Variants in CDH13 observed in about 807,000 individuals in gnomAD.
CDH13 encodes cadherin-13.
A neutral mutation model predicts 63.8 loss-of-function variants in CDH13; 24 were observed. The observed-to-expected ratio is 0.38, with a 90% CI of 0.27 to 0.53. The LOEUF (loss-of-function observed/expected upper bound fraction) is 0.53, where lower values mean the gene tolerates loss of function less well. Ranked by LOEUF, CDH13 falls within the 20% of genes least tolerant of loss-of-function variation. The pLI, the probability that CDH13 is intolerant of heterozygous loss-of-function variation, is 0.85. For missense variants in CDH13, 1,049 were observed against 903.1 expected, an observed-to-expected ratio of 1.16 and a Z score of -2.07; for synonymous variants, 503 against 355.3, an observed-to-expected ratio of 1.42 and a Z score of -4.67.
chr16:82,885,758 T>C (rs966611857), intron 2 of CDH13, among the ~76,000 whole-genome samples: 3 of 152,336 alleles, frequency 2.0e-5, no homozygotes, highest in East Asian at 1.9e-4. Context: ...GTATGTATCA[T>C]GCACTTTCTA....
chr16:83,079,204 G>A (rs573120386), intron 3 of CDH13, among the ~76,000 whole-genome samples: 28 of 152,292 alleles, frequency 1.8e-4, no homozygotes, highest in African/African-American at 6.5e-4. Flanking sequence ...TCAAACAGGG[G>A]CTACTCAGCT....
intron 4 of CDH13, among the ~76,000 whole-genome samples, chr16:83,169,448 T>G (rs2037828460): frequency 6.6e-6 from 1 of 151,950 alleles, no homozygotes; most frequent in South Asian, 2.1e-4. Flanking sequence ...GTGCTGGGAG[T>G]AAGGTGTGAG....
intron 1 of CDH13, among the ~76,000 whole-genome samples, chr16:82,776,560 C>A (rs765746157): frequency 2.6e-5 from 4 of 152,202 alleles, no homozygotes; most frequent in African/African-American, 9.7e-5. Flanking sequence ...TATGAACCTT[C>A]TTTTCAAATA....
intron 10 of CDH13, among the ~76,000 whole-genome samples, chr16:83,725,050 A>G (rs1395691154): frequency 6.6e-6 from 1 of 152,228 alleles, no homozygotes; most frequent in Non-Finnish European, 1.5e-5. Context: ...TAGAGAAAGA[A>G]AGAGATGAAT....
chr16:83,570,023 C>T (rs1331423292), intron 7 of CDH13, among the ~76,000 whole-genome samples: 1 of 152,162 alleles, frequency 6.6e-6, no homozygotes, highest in African/African-American at 2.4e-5. Context: ...GAGTGAGCCA[C>T]CGTGCCCAGC....
At chr16:83,189,425 C>G (rs1001653893) in intron 4 of CDH13, among the ~76,000 whole-genome samples, 1 of 152,144 alleles carries the variant, frequency 6.6e-6, no homozygotes, top group African/African-American at 2.4e-5. Flanking sequence ...TCTGATTGCC[C>G]CCAATATTAA....
chr16:83,601,431 G>A (rs949861783), intron 7 of CDH13, among the ~76,000 whole-genome samples: 4 of 152,342 alleles, frequency 2.6e-5, no homozygotes, highest in South Asian at 4.1e-4. Flanking sequence ...TGTGAAGAGA[G>A]AGAATAGTGC....
intron 2 of CDH13, among the ~76,000 whole-genome samples, chr16:82,926,966 A>C (rs182022123): frequency 6.6e-6 from 1 of 152,296 alleles, no homozygotes; most frequent in African/African-American, 2.4e-5. Flanking sequence ...TGAGGGCTCA[A>C]TGGGGACTAT....
At chr16:82,880,253 C>T (rs1411834573) in intron 2 of CDH13, among the ~76,000 whole-genome samples, 2 of 152,012 alleles carry the variant, frequency 1.3e-5, no homozygotes, top group African/African-American at 2.4e-5. Flanking sequence ...CCCACCTGAA[C>T]AAATTATTAA....
chr16:83,194,786 G>C (rs1013004716), intron 4 of CDH13, among the ~76,000 whole-genome samples: 1 of 152,128 alleles, frequency 6.6e-6, no homozygotes, highest in East Asian at 1.9e-4. Context: ...ACCTGAGACG[G>C]GTCTGTGGCA....
chr16:83,298,604 C>G (rs911396440), intron 5 of CDH13, among the ~76,000 whole-genome samples: 23 of 152,172 alleles, frequency 1.5e-4, no homozygotes, highest in Admixed American at 1.5e-3. Context: ...GAAGTAAGGA[C>G]CTGTTATTAG....
chr16:83,459,156 C>T (rs759074704), intron 6 of CDH13, among the ~76,000 whole-genome samples: 38 of 152,272 alleles, frequency 2.5e-4, no homozygotes, highest in Non-Finnish European at 4.6e-4. Flanking sequence ...TTACAGGTTT[C>T]TAAGAACATC....
chr16:83,574,223 AT>A (rs918028968), intron 7 of CDH13, among the ~76,000 whole-genome samples: 37 of 152,216 alleles, frequency 2.4e-4, no homozygotes, highest in African/African-American at 8.4e-4. Context: ...TGTCGTCATT[AT>A]TTTTTGTCTC....
chr16:82,898,343 C>T (rs530126616), intron 2 of CDH13, among the ~76,000 whole-genome samples: 1 of 152,006 alleles, frequency 6.6e-6, no homozygotes, highest in Non-Finnish European at 1.5e-5. Context: ...TGGCCAACAT[C>T]GTGAAACCCC....
chr16:83,167,588 GT>G (rs1266931418), intron 4 of CDH13, among the ~76,000 whole-genome samples: 2 of 149,670 alleles, frequency 1.3e-5, no homozygotes, highest in African/African-American at 4.9e-5. Context: ...GCAGGTGGAT[GT>G]TTTGCTAAAT....
chr16:83,723,559 C>T lies in CDH13; in HGVS notation c.1539-24549C>T, dbSNP rs566979983. The stretch of plus-strand genomic sequence containing the variant: ...TCTCACTATCATCTCCTTTGCAAGG[C>T]TTTCCCTGATCACCTTCGCTAAAGA... On this transcript the variant is annotated intron_variant, in intron 10 of 13. Transcript: ENST00000567109. Among the ~76,000 whole-genome samples, 3 of 152,322 alleles carry T rather than the reference C, an allele frequency of 2.0e-5. No homozygotes were observed. In the South Asian group the frequency reaches 6.2e-4, roughly 32 times the overall value.
chr16:83,760,616 T>C (rs1240017405), intron 11 of CDH13, among the ~76,000 whole-genome samples: 2 of 152,230 alleles, frequency 1.3e-5, no homozygotes, highest in South Asian at 2.1e-4. Context: ...ACTGCATTTA[T>C]ATAAAGCTCA....
At chr16:83,086,652 T>C (rs1338964197) in intron 3 of CDH13, among the ~76,000 whole-genome samples, 1 of 152,222 alleles carries the variant, frequency 6.6e-6, no homozygotes, top group Non-Finnish European at 1.5e-5. Context: ...TGCTTTGAAA[T>C]TAAGTTTTGT....
intron 4 of CDH13, among the ~76,000 whole-genome samples, chr16:83,169,327 C>A (rs2037822854): frequency 6.6e-6 from 1 of 151,928 alleles, no homozygotes; most frequent in South Asian, 2.1e-4. Context: ...CAGGCGCCTG[C>A]CACCACACCC....
Sources: allele counts gnomAD v4.1 joint callset (sites outside exome capture counted in the v4.1 genomes callset), GRCh38; gene constraint gnomAD v4.1.1; transcripts MANE v1.5; gene names NCBI Gene and HGNC (gene_info 2026-07-23, HGNC 2026-07-21).